The following R3HCC1L variants were observed in gnomAD, a reference collection of about 807,000 sequenced individuals.
R3HCC1L encodes the protein R3H domain and coiled-coil containing 1 like, also known as coiled-coil domain-containing protein R3HCC1L.
In R3HCC1L, 51 loss-of-function variants were observed where a neutral mutation model predicts 59.9. The observed-to-expected ratio is 0.85, with a 90% CI of 0.68 to 1.07. The LOEUF is 1.07. R3HCC1L is among the 50% of genes least tolerant of loss of function. R3HCC1L has a pLI of 0.00. For synonymous variants in R3HCC1L, 322 were observed against 315.2 expected, an observed-to-expected ratio of 1.02 and a Z score of -0.23; for missense variants, 965 against 933.0, an observed-to-expected ratio of 1.03 and a Z score of -0.45.
At chr10:98,231,843 A>G (rs112740013) in intron 6 of R3HCC1L, among the ~76,000 whole-genome samples, 156 bp downstream of exon 6, 2,035 of 152,226 alleles carry the variant, frequency 0.013, 54 homozygotes, top group African/African-American at 0.046. Context: ...GAAATTTTCT[A>G]TATTAAACTA....
At chr10:98,152,477 T>C (rs867098932) in intron 1 of R3HCC1L, among the ~76,000 whole-genome samples, 4,760 of 94,080 alleles carry the variant, frequency 0.051, 277 homozygotes, top group South Asian at 0.098. Context: ...GGAGCGCCTC[T>C]TCCCGGCCGC....
intron 4 of R3HCC1L, among the ~76,000 whole-genome samples, chr10:98,178,140 A>G (rs1849231824): frequency 1.3e-5 from 2 of 152,166 alleles, no homozygotes; most frequent in Non-Finnish European, 2.9e-5. Flanking sequence ...GTCCTTGCCC[A>G]TGCCTGTGTC....
intron 1 of R3HCC1L, among the ~76,000 whole-genome samples, chr10:98,136,434 T>G (rs1392202615): frequency 2.0e-5 from 3 of 152,186 alleles, no homozygotes; most frequent in Non-Finnish European, 2.9e-5. Context: ...TATACATAGT[T>G]AGATATCTTT....
At chr10:98,180,798 T>C (rs568792468) in intron 4 of R3HCC1L, among the ~76,000 whole-genome samples, 179 of 152,332 alleles carry the variant, frequency 1.2e-3, no homozygotes, top group African/African-American at 4.0e-3. Context: ...CCCTTTACCA[T>C]TATGTAATGG....
At chr10:98,171,528 A>G (rs1408544721) in intron 4 of R3HCC1L, among the ~76,000 whole-genome samples, 1 of 152,194 alleles carries the variant, frequency 6.6e-6, no homozygotes, top group African/African-American at 2.4e-5. Flanking sequence ...TTTTGGCCCC[A>G]TAAACAAATA....
At chr10:98,136,358 G>A (rs938494371) in intron 1 of R3HCC1L, among the ~76,000 whole-genome samples, 2 of 152,064 alleles carry the variant, frequency 1.3e-5, no homozygotes, top group African/African-American at 2.4e-5. Flanking sequence ...ACTACAGGTT[G>A]GAGTATCCTT....
intron 4 of R3HCC1L, among the ~76,000 whole-genome samples, chr10:98,199,480 T>C (rs1310897016): frequency 6.6e-6 from 1 of 152,068 alleles, no homozygotes; most frequent in Non-Finnish European, 1.5e-5. Flanking sequence ...CCTGTTCTTT[T>C]TGTAACAAAT....
chr10:98,227,506 T>C (rs867244961), intron 5 of R3HCC1L, among the ~76,000 whole-genome samples: 1 of 151,320 alleles, frequency 6.6e-6, no homozygotes, highest in Non-Finnish European at 1.5e-5. Context: ...AACTTTTGAT[T>C]AACAGAGAGA....
At position 98,236,313 on chromosome 10, in the gene R3HCC1L, G is replaced by A. The variant is rs563964872; in HGVS notation, c.2269+149G>A. On this transcript the variant is annotated intron_variant, in intron 9 of 9. Coordinates refer to ENST00000298999, the MANE Select transcript of R3HCC1L (RefSeq NM_001351015.2). ...GTGTATAGAAATTTTCATGCCTTAC[G>A]TCCAGGAGAAGATGTTTCAGGATTG... is the stretch of plus-strand genomic sequence containing the variant. 1.3e-5 allele frequency: 13 copies of A among 1,016,728 alleles called. No homozygotes were observed. In the South Asian group the frequency reaches 1.4e-4, roughly 11 times the overall value. The allele number at this position is 1,016,728 out of a possible 1,614,324, so 63.0% of individuals were successfully genotyped here. A position where few individuals can be genotyped will look rare whatever the true frequency, so the allele number is the denominator to read the frequency against.
At chr10:98,224,173 G>A (rs920684694) in intron 5 of R3HCC1L, among the ~76,000 whole-genome samples, 1 of 152,076 alleles carries the variant, frequency 6.6e-6, no homozygotes, top group Non-Finnish European at 1.5e-5. Context: ...GTGTGCATGA[G>A]TGACAGGTGG....
intron 4 of R3HCC1L, among the ~76,000 whole-genome samples, chr10:98,188,773 C>T (rs1328710791): frequency 2.6e-5 from 4 of 152,104 alleles, no homozygotes; most frequent in Admixed American, 2.6e-4. Flanking sequence ...TTGCCATAGG[C>T]ATTTATGAGC....
At chr10:98,199,431 T>C (rs902191823) in intron 4 of R3HCC1L, among the ~76,000 whole-genome samples, 1 of 151,666 alleles carries the variant, frequency 6.6e-6, no homozygotes, top group African/African-American at 2.4e-5. Context: ...AGCGTATCTT[T>C]AAATTTTAGT....
At chr10:98,235,662 A>G (rs1037045717) in intron 8 of R3HCC1L, 142 bp downstream of exon 8, 13 of 752,682 alleles carry the variant, frequency 1.7e-5, no homozygotes, top group Non-Finnish European at 2.7e-5. Context: ...GAAAAAATAA[A>G]TAAAAGGGAA....
intron 5 of R3HCC1L, among the ~76,000 whole-genome samples, chr10:98,222,728 CA>C (rs758710915): frequency 4.0e-5 from 6 of 151,656 alleles, no homozygotes; most frequent in Non-Finnish European, 8.8e-5. Flanking sequence ...AAAAACCCTT[CA>C]AAAAATTAAT....
At chr10:98,218,353 TA>T (rs917832169) in intron 5 of R3HCC1L, among the ~76,000 whole-genome samples, 13 of 147,194 alleles carry the variant, frequency 8.8e-5, no homozygotes, top group African/African-American at 1.7e-4. Context: ...AAATTCAACA[TA>T]AAAAAAAAAG....
chr10:98,156,320 G>C (rs2134102027), intron 2 of R3HCC1L, among the ~76,000 whole-genome samples, 173 bp downstream of exon 2: 2 of 152,302 alleles, frequency 1.3e-5, no homozygotes, highest in Middle Eastern at 6.8e-3. Flanking sequence ...AGAGCATGAG[G>C]ATGACAGCCT....
chr10:98,135,520 G>T (rs1278068310), intron 1 of R3HCC1L, among the ~76,000 whole-genome samples: 1 of 152,208 alleles, frequency 6.6e-6, no homozygotes, highest in Non-Finnish European at 1.5e-5. Flanking sequence ...CCATCCCCCA[G>T]TCTCCAGTCT....
intron 5 of R3HCC1L, among the ~76,000 whole-genome samples, chr10:98,224,027 TC>T (rs563485669): frequency 1.6e-3 from 237 of 152,078 alleles, no homozygotes; most frequent in African/African-American, 5.4e-3. Flanking sequence ...ATCTCCAGGC[TC>T]CCTGATGTTG....
chr10:98,152,654 A>G lies in R3HCC1L; in HGVS notation c.-267-3439A>G, dbSNP rs1160110977. On this transcript the variant is annotated intron_variant, in intron 1 of 9. Coordinates refer to ENST00000298999, the MANE Select transcript of R3HCC1L (RefSeq NM_001351015.2). The stretch of plus-strand genomic sequence containing the variant: ...CCTCTGCCCCGCCACCCCGTCTGGG[A>G]TGTGAGGAGCGCCTCTGCCCGGCCG... 3.3e-5 allele frequency among the ~76,000 whole-genome samples: 4 copies of G among 119,444 alleles called. 1 individual carries two copies. Among genetic ancestry groups the G allele is most frequent in the African/African-American group, 1.1e-4 (4 of 35,334 alleles). The allele number at this position is 119,444 out of a possible 152,430, so 78.4% of individuals were successfully genotyped here. A position where few individuals can be genotyped will look rare whatever the true frequency, so the allele number is the denominator to read the frequency against.
Sources: gnomAD v4.1 joint callset for allele counts (sites outside exome capture counted in the v4.1 genomes callset) on GRCh38, gnomAD v4.1.1 for gene constraint, MANE v1.5 for transcripts, NCBI Gene and HGNC (gene_info 2026-07-23, HGNC 2026-07-21) for gene names.